Variants in EGF observed in about 807,000 individuals in gnomAD.
EGF encodes the protein pro-epidermal growth factor.
Under a neutral mutation model 143.8 loss-of-function variants are expected in EGF, and 95 were observed. The ratio of observed to expected loss-of-function variants is 0.66; its 90% CI spans 0.56 to 0.78. The LOEUF is 0.78. EGF is among the 30% of genes least tolerant of loss of function. The pLI is 0.00. For missense variants in EGF, 1,320 were observed against 1,470.9 expected, an observed-to-expected ratio of 0.90 and a Z score of 1.68; for synonymous variants, 510 against 510.5, an observed-to-expected ratio of 1.00 and a Z score of 0.01.
intron 12 of EGF, among the ~76,000 whole-genome samples, chr4:109,975,191 A>T (rs983744044): frequency 6.6e-6 from 1 of 152,226 alleles, no homozygotes; most frequent in African/African-American, 2.4e-5. Context: ...TAGATTTTAG[A>T]TGACAGAAAA....
At position 109,999,441 on chromosome 4, in the gene EGF, G is replaced by A. The variant is rs1177387563; in HGVS notation, c.3006-238G>A. On this transcript the variant is annotated intron_variant, in intron 20 of 23. Coordinates refer to ENST00000265171, the MANE Select transcript of EGF (RefSeq NM_001963.6). ...CAATGTCCTGTAATGCCTTATAGAGGCAGTATGCAAATAATCCCCCATAAA... is the reference window on the plus strand; with the variant it reads ...CAATGTCCTGTAATGCCTTATAGAGACAGTATGCAAATAATCCCCCATAAA... Among the ~76,000 whole-genome samples the A allele has an allele frequency of 2.0e-5, 3 of 152,160 alleles. No homozygotes were observed. The East Asian group carries it at 5.8e-4, about 29-fold the overall frequency.
intron 16 of EGF, among the ~76,000 whole-genome samples, chr4:109,987,360 G>A (rs1704274807): frequency 6.6e-6 from 1 of 151,842 alleles, no homozygotes; most frequent in African/African-American, 2.4e-5. Flanking sequence ...CTGGAGTGCA[G>A]TGGCACCATC....
At chr4:109,937,531 A>G (rs1471070668) in intron 1 of EGF, among the ~76,000 whole-genome samples, 2 of 152,024 alleles carry the variant, frequency 1.3e-5, no homozygotes, top group Non-Finnish European at 2.9e-5. Flanking sequence ...CATTTAGCCC[A>G]TTTACATTTA....
At position 109,913,066 on chromosome 4, in the gene EGF, T is replaced by C. The variant is rs901572263; in HGVS notation, c.-270T>C. On this transcript the variant is annotated 5_prime_UTR_variant, in exon 1 of 24. Coordinates refer to ENST00000265171, the MANE Select transcript of EGF (RefSeq NM_001963.6). ...CTGTTAAACTCTGTGAAATTTGTCA[T>C]AAGGGTGTCAGGTATTTCTTACTGG... 9.8e-6 allele frequency: 4 copies of C among 408,398 alleles called. No homozygotes were observed. The highest frequency in any genetic ancestry group is 8.2e-5 in the African/African-American group (4 of 48,780). 25.3% of individuals were successfully genotyped at this position (408,398 alleles called of 1,614,324 possible).
intron 5 of EGF, 95 bp from the exon 6 acceptor site, chr4:109,959,217 T>C (rs1183036670): frequency 3.2e-6 from 5 of 1,576,556 alleles, no homozygotes; most frequent in Admixed American, 3.5e-5. Context: ...GTAGACGTTG[T>C]AGGGAGGTAA....
intron 16 of EGF, among the ~76,000 whole-genome samples, chr4:109,985,660 G>A (rs911417494): frequency 2.0e-5 from 3 of 152,180 alleles, no homozygotes; most frequent in Non-Finnish European, 4.4e-5. Context: ...ACCGGGCTAG[G>A]GCTGCCTATT....
At chr4:109,982,691 G>T (rs1749564762) in intron 15 of EGF, among the ~76,000 whole-genome samples, 1 of 152,096 alleles carries the variant, frequency 6.6e-6, no homozygotes, top group Admixed American at 6.6e-5. Context: ...CTCAGCTACT[G>T]GTAGAGTTTG....
At chr4:109,920,511 G>A (rs1737588094) in intron 1 of EGF, among the ~76,000 whole-genome samples, 1 of 151,512 alleles carries the variant, frequency 6.6e-6, no homozygotes, top group Non-Finnish European at 1.5e-5. Flanking sequence ...CTCTCAGAAA[G>A]GTCTAGGTCA....
chr4:110,008,338 A>G (rs1753592935), intron 23 of EGF, 108 bp downstream of exon 23: 1 of 1,334,230 alleles, frequency 7.5e-7, no homozygotes, highest in Non-Finnish European at 1.1e-6. Flanking sequence ...AAACAAAATA[A>G]CTAAATTGTA....
intron 11 of EGF, among the ~76,000 whole-genome samples, chr4:109,972,208 G>A (rs867909990): frequency 1.2e-4 from 19 of 152,164 alleles, no homozygotes; most frequent in African/African-American, 4.3e-4. Context: ...GAACTCCCAT[G>A]AACTCAAATA....
At chr4:109,991,020 G>A (rs149024492) in intron 18 of EGF, among the ~76,000 whole-genome samples, 1 of 152,122 alleles carries the variant, frequency 6.6e-6, no homozygotes, top group African/African-American at 2.4e-5. Context: ...GATGGGTTGG[G>A]TTACCTCTGC....
At chr4:109,946,629 C>T (rs187589604) in intron 5 of EGF, among the ~76,000 whole-genome samples, 1 of 152,276 alleles carries the variant, frequency 6.6e-6, no homozygotes, top group Admixed American at 6.5e-5. Flanking sequence ...TGGATTCTCT[C>T]TCCCATTTGA....
intron 1 of EGF, among the ~76,000 whole-genome samples, chr4:109,933,768 C>T (rs1431020164): frequency 1.1e-4 from 17 of 152,116 alleles, no homozygotes; most frequent in South Asian, 2.1e-4. Context: ...TTTTTTATGG[C>T]GGCATAGTAT....
intron 5 of EGF, among the ~76,000 whole-genome samples, chr4:109,953,617 A>T (rs143222899): frequency 3.3e-4 from 50 of 152,298 alleles, no homozygotes; most frequent in African/African-American, 1.2e-3. Flanking sequence ...AAAATAATTG[A>T]CATTTGTATT....
intron 8 of EGF, 128 bp downstream of exon 8, chr4:109,962,113 T>G: frequency 6.9e-7 from 1 of 1,455,072 alleles, no homozygotes; most frequent in Non-Finnish European, 9.4e-7. Flanking sequence ...AAGATATTGT[T>G]ACAACAGATT....
chr4:109,976,897 T>C (rs903736220), intron 13 of EGF, among the ~76,000 whole-genome samples: 3 of 152,214 alleles, frequency 2.0e-5, no homozygotes, highest in African/African-American at 7.2e-5. Context: ...ACTTAAATTC[T>C]GAATTTAGTA....
rs1377861784 is a variant in EGF, at chr4:109,999,590, G to C, written c.3006-89G>C. 3.9e-6 allele frequency: 6 copies of C among 1,532,744 alleles called. No homozygotes were observed. The East Asian group carries it at 1.1e-4, about 29-fold the overall frequency. 94.9% of individuals were successfully genotyped at this position (1,532,744 alleles called of 1,614,324 possible). On this transcript the variant is annotated intron_variant, in intron 20 of 23. Coordinates refer to ENST00000265171, the MANE Select transcript of EGF (RefSeq NM_001963.6). ...AAAGAGCTGAGTCTGGAAATGCAGAGGTTGAGAGACAGCTGAATACTGAGT... is the reference window on the plus strand; with the variant it reads ...AAAGAGCTGAGTCTGGAAATGCAGACGTTGAGAGACAGCTGAATACTGAGT...
In EGF at chr4:109,963,589, T is replaced by C. The variant is rs11568956; in HGVS notation, c.1438+291T>C. Among the ~76,000 whole-genome samples, 2,670 of 152,324 alleles carry C rather than the reference T, an allele frequency of 0.018. 69 individuals carry two copies. Among genetic ancestry groups the C allele is most frequent in the African/African-American group, 0.059 (2,469 of 41,566 alleles). ...ACAAGAATAGTCTTAAAACACTTTA[T>C]AGTTAAGAGGCATTTAATAAGTATT... On this transcript the variant is annotated intron_variant, in intron 9 of 23. Coordinates refer to ENST00000265171, the MANE Select transcript of EGF (RefSeq NM_001963.6).
intron 1 of EGF, among the ~76,000 whole-genome samples, chr4:109,926,811 T>C (rs1738755211): frequency 6.6e-6 from 1 of 152,368 alleles, no homozygotes; most frequent in South Asian, 2.1e-4. Context: ...AGGTGATGTT[T>C]TAACAAGTGA....
Sources: allele counts gnomAD v4.1 joint callset (sites outside exome capture counted in the v4.1 genomes callset), GRCh38; gene constraint gnomAD v4.1.1; transcripts MANE v1.5; gene names NCBI Gene and HGNC (gene_info 2026-07-23, HGNC 2026-07-21).